Variants in KPNA1 observed in about 807,000 individuals in gnomAD.
The protein encoded by KPNA1 is importin subunit alpha-5.
A neutral mutation model predicts 70.5 loss-of-function variants in KPNA1; 10 were observed. The ratio of observed to expected loss-of-function variants is 0.14; its 90% confidence interval spans 0.09 to 0.24. The LOEUF (loss-of-function observed/expected upper bound fraction) is 0.24. Ranked by LOEUF, KPNA1 falls within the 10% of genes least tolerant of loss-of-function variation. KPNA1 has a pLI of 1.00. For missense variants in KPNA1, 397 were observed against 637.9 expected, an observed-to-expected ratio of 0.62 and a Z score of 4.07; for synonymous variants, 192 against 221.9, an observed-to-expected ratio of 0.87 and a Z score of 1.20.
In KPNA1 at chr3:122,422,291, T is replaced by C. The variant is rs1019226628; in HGVS notation, c.*4694A>G. 3.3e-5 allele frequency: 5 copies of C among 151,828 alleles called. No individual in the cohort carries two copies. The highest frequency in any genetic ancestry group is 7.4e-5 in the Non-Finnish European group (5 of 68,002). The allele number at this position is 151,828 out of a possible 1,614,324, so 9.4% of individuals were successfully genotyped here. A position where few individuals can be genotyped will look rare whatever the true frequency, so the allele number is the denominator to read the frequency against. On this transcript the variant is annotated 3_prime_UTR_variant, in exon 14 of 14. Transcript: ENST00000344337. ...GTCAATACTTTCCACATTTGTGCGT[T>C]TGAATGGATCCATGTGTTTAGCCAT...
chr3:122,500,629 T>C (rs771182387), intron 1 of KPNA1, among the ~76,000 whole-genome samples: 1 of 152,002 alleles, frequency 6.6e-6, no homozygotes, highest in African/African-American at 2.4e-5. Context: ...CCCAAGTATC[T>C]GGGACTACAG....
At chr3:122,439,238 G>C (rs944073379) in intron 10 of KPNA1, among the ~76,000 whole-genome samples, 11 of 152,182 alleles carry the variant, frequency 7.2e-5, no homozygotes, top group Middle Eastern at 3.4e-3. Context: ...GCTGGAGTGT[G>C]GTGGCATGAT....
In KPNA1 at chr3:122,454,041, G is replaced by A. The variant is rs185852421; in HGVS notation, c.433-40C>T. 2.1e-6 allele frequency: 3 copies of A among 1,417,758 alleles called. No homozygotes were observed. In the Admixed American group the frequency reaches 7.0e-5, roughly 33 times the overall value. The allele number at this position is 1,417,758 out of a possible 1,614,324, so 87.8% of individuals were successfully genotyped here. A position where few individuals can be genotyped will look rare whatever the true frequency, so the allele number is the denominator to read the frequency against. On this transcript the variant is annotated intron_variant, in intron 5 of 13. Transcript: ENST00000344337. Reference sequence around the variant, plus strand: ...ATAATTTTCATTATCTTTTTAGAATGTAAAAGTTTGTTTACTTATAACAGT... The same window carrying A: ...ATAATTTTCATTATCTTTTTAGAATATAAAAGTTTGTTTACTTATAACAGT...
intron 6 of KPNA1, among the ~76,000 whole-genome samples, 192 bp from the exon 7 acceptor site, chr3:122,452,256 C>G (rs2076210165): frequency 6.6e-6 from 1 of 152,000 alleles, no homozygotes; most frequent in Non-Finnish European, 1.5e-5. Flanking sequence ...AAGGAAAGAA[C>G]TAATTCATTT....
intron 13 of KPNA1, 87 bp from the exon 14 acceptor site, chr3:122,427,259 T>A (rs996426122): frequency 1.3e-5 from 13 of 973,796 alleles, no homozygotes; most frequent in East Asian, 7.8e-5. Flanking sequence ...AACTATATTT[T>A]GTCATATATC....
At chr3:122,473,022 A>G (rs1453108174) in intron 2 of KPNA1, among the ~76,000 whole-genome samples, 1 of 152,222 alleles carries the variant, frequency 6.6e-6, no homozygotes, top group Non-Finnish European at 1.5e-5. Flanking sequence ...CAGAGGTTGC[A>G]GTGAGCCAAG....
Position 122,461,330 on chromosome 3 carries a change from T to C in KPNA1, c.338-12A>G, listed in dbSNP as rs752217516. The C allele has an allele frequency of 6.4e-7, 1 of 1,572,628 alleles. No homozygotes were observed. Among genetic ancestry groups the C allele is most frequent in the Admixed American group, 1.8e-5 (1 of 54,702 alleles). The stretch of plus-strand genomic sequence containing the variant: ...AGGAGGGTTAGGTTCTGTTTCCCCA[T>C]AAAATAAAAGAAAAAAAAAATCCTT... On this transcript the variant is annotated splice_polypyrimidine_tract_variant and intron_variant, in intron 4 of 13. Coordinates refer to ENST00000344337, the MANE Select transcript of KPNA1 (RefSeq NM_002264.4).
chr3:122,427,372 G>T, intron 13 of KPNA1, 166 bp downstream of exon 13: 1 of 763,910 alleles, frequency 1.3e-6, no homozygotes, highest in Non-Finnish European at 2.1e-6. Flanking sequence ...ATTATAAACT[G>T]ACATCTTAAA....
chr3:122,431,590 A>G (rs1214658819), intron 12 of KPNA1, among the ~76,000 whole-genome samples: 1 of 152,176 alleles, frequency 6.6e-6, no homozygotes, highest in Non-Finnish European at 1.5e-5. Flanking sequence ...GGACTGTAAT[A>G]TTTTTGTGAC....
chr3:122,496,406 T>G, intron 2 of KPNA1, 31 bp downstream of exon 2: 1 of 1,601,726 alleles, frequency 6.2e-7, no homozygotes, highest in Middle Eastern at 1.7e-4. Flanking sequence ...TTAAATTCTT[T>G]AAAAGAAATG....
rs575093961 is a variant in KPNA1 at position 122,422,675 on chromosome 3, T to G, written c.*4310A>C. 3 of 152,348 alleles carry G rather than the reference T, an allele frequency of 2.0e-5. No individual in the cohort carries two copies. In the East Asian group the frequency reaches 5.8e-4, roughly 29 times the overall value. The allele number at this position is 152,348 out of a possible 1,614,324, so 9.4% of individuals were successfully genotyped here. On this transcript the variant is annotated 3_prime_UTR_variant, in exon 14 of 14. Coordinates refer to ENST00000344337, the MANE Select transcript of KPNA1 (RefSeq NM_002264.4). ...CGCCCTTGGACAGCCATCTAAGTGT[T>G]GTAACCTTGGGGCAAAGTAATTTCT...
At chr3:122,482,881 T>G (rs1057147263) in intron 2 of KPNA1, 1 of 151,912 alleles carries the variant, frequency 6.6e-6, no homozygotes, top group African/African-American at 2.4e-5. Flanking sequence ...TGGTAGAGAC[T>G]GGGGAGGACG....
At chr3:122,472,271 A>G (rs1335976296) in intron 2 of KPNA1, among the ~76,000 whole-genome samples, 1 of 152,188 alleles carries the variant, frequency 6.6e-6, no homozygotes, top group Non-Finnish European at 1.5e-5. Context: ...TTACAAATCA[A>G]TAACAGAAAT....
Position 122,430,515 on chromosome 3 carries a change from A to AGTGTGTGTGTGTGT in KPNA1, c.1251-2813_1251-2800dup, listed in dbSNP as rs10662409. On this transcript the variant is annotated intron_variant, in intron 12 of 13. Transcript: ENST00000344337. The stretch of plus-strand genomic sequence containing the variant: ...TGAGGACTTCCTATACTGTACTACC[A>AGTGTGTGTGTGTGT]GTGTGTGTGTGTGTGTGTGTGTGTG... 5.2e-3 allele frequency among the ~76,000 whole-genome samples: 729 copies of AGTGTGTGTGTGTGT among 141,438 alleles called. 6 individuals carry two copies. The highest frequency in any genetic ancestry group is 0.012 in the African/African-American group (461 of 38,926). The allele number at this position is 141,438 out of a possible 152,430, so 92.8% of individuals were successfully genotyped here.
At chr3:122,470,195 A>T in intron 2 of KPNA1, among the ~76,000 whole-genome samples, 1 of 152,328 alleles carries the variant, frequency 6.6e-6, no homozygotes, top group Middle Eastern at 3.4e-3. Flanking sequence ...GTATATACAT[A>T]AGATTACAAA....
intron 11 of KPNA1, among the ~76,000 whole-genome samples, chr3:122,435,117 A>T (rs896246199): frequency 2.0e-5 from 3 of 152,198 alleles, no homozygotes; most frequent in African/African-American, 7.2e-5. Flanking sequence ...CTTTTTATTC[A>T]AATTTTTTAT....
At chr3:122,444,742 T>C (rs895532873) in intron 9 of KPNA1, among the ~76,000 whole-genome samples, 1 of 152,204 alleles carries the variant, frequency 6.6e-6, no homozygotes, top group Non-Finnish European at 1.5e-5. Context: ...TGGCCTCTGC[T>C]GGTAATCCAG....
At chr3:122,495,120 C>A (rs940405939) in intron 2 of KPNA1, among the ~76,000 whole-genome samples, 1 of 151,666 alleles carries the variant, frequency 6.6e-6, no homozygotes, top group African/African-American at 2.4e-5. Context: ...TGTGGTGGCA[C>A]GCGCCTGTAG....
chr3:122,496,294 T>C (rs910395851), intron 2 of KPNA1, 143 bp downstream of exon 2: 8 of 597,684 alleles, frequency 1.3e-5, no homozygotes, highest in Non-Finnish European at 2.2e-5. Context: ...CAAAAAAGTG[T>C]TGATTTTACA....
Sources: gnomAD v4.1 joint callset for allele counts (sites outside exome capture counted in the v4.1 genomes callset) on GRCh38, gnomAD v4.1.1 for gene constraint, MANE v1.5 for transcripts, NCBI Gene and HGNC (gene_info 2026-07-23, HGNC 2026-07-21) for gene names.